Variants in LRRTM4 observed in about 807,000 individuals in gnomAD.
The protein encoded by LRRTM4 is leucine rich repeat transmembrane neuronal 4.
LRRTM4 carries 25 observed loss-of-function variants against 47.6 expected under a neutral mutation model. That is an observed-to-expected ratio of 0.53 (90% CI 0.38 to 0.73). LRRTM4 has a LOEUF of 0.73. Ranked by LOEUF, LRRTM4 falls within the 30% of genes least tolerant of loss-of-function variation. LRRTM4 has a pLI of 0.00. For synonymous variants in LRRTM4, 311 were observed against 269.5 expected (o/e 1.15, Z -1.51); for missense variants, 638 against 713.4 (o/e 0.89, Z 1.20).
At chr2:77,327,979 T>C (rs1670839867) in intron 3 of LRRTM4, among the ~76,000 whole-genome samples, 2 of 151,890 alleles carry the variant, frequency 1.3e-5, no homozygotes, top group South Asian at 4.2e-4. Context: ...ACTGAAAACA[T>C]ATAGGGAAAG....
At chr2:76,834,257 G>T (rs1671445863) in intron 3 of LRRTM4, among the ~76,000 whole-genome samples, 2 of 150,658 alleles carry the variant, frequency 1.3e-5, no homozygotes, top group Middle Eastern at 3.4e-3. Context: ...CACTATATTG[G>T]CCAGTCTGGT....
chr2:77,163,127 C>T (rs536892986), intron 3 of LRRTM4, among the ~76,000 whole-genome samples: 1 of 151,974 alleles, frequency 6.6e-6, no homozygotes, highest in Non-Finnish European at 1.5e-5. Flanking sequence ...ATAGAGAAGA[C>T]CTTAAATAAC....
intron 3 of LRRTM4, among the ~76,000 whole-genome samples, chr2:77,142,176 A>G (rs557209776): frequency 6.6e-6 from 1 of 152,320 alleles, no homozygotes; most frequent in East Asian, 1.9e-4. Flanking sequence ...CTCGGTGATC[A>G]GAAGAACATT....
chr2:76,774,743 C>A (rs1267885496), intron 3 of LRRTM4, among the ~76,000 whole-genome samples: 3 of 152,122 alleles, frequency 2.0e-5, no homozygotes, highest in African/African-American at 7.2e-5. Context: ...ATCATAATTT[C>A]TGTCTGACAT....
chr2:77,418,365 G>GA (rs1183318552), intron 3 of LRRTM4, among the ~76,000 whole-genome samples: 1 of 152,064 alleles, frequency 6.6e-6, no homozygotes, highest in Non-Finnish European at 1.5e-5. Context: ...ATTAAACTGA[G>GA]AAAAATAATA....
intron 3 of LRRTM4, among the ~76,000 whole-genome samples, chr2:76,796,939 A>G (rs1032519693): frequency 2.0e-5 from 3 of 152,052 alleles, no homozygotes; most frequent in African/African-American, 7.2e-5. Context: ...GAAATGAGCA[A>G]AGCCTCCAAG....
At chr2:77,138,721 A>G (rs910657751) in intron 3 of LRRTM4, among the ~76,000 whole-genome samples, 2 of 152,080 alleles carry the variant, frequency 1.3e-5, no homozygotes, top group Non-Finnish European at 2.9e-5. Flanking sequence ...TTGATAGACC[A>G]CTAGCAAGAC....
At chr2:77,391,342 G>T (rs1039897030) in intron 3 of LRRTM4, among the ~76,000 whole-genome samples, 6 of 151,982 alleles carry the variant, frequency 3.9e-5, no homozygotes, top group African/African-American at 1.4e-4. Flanking sequence ...GCAGTAAATG[G>T]CTGGGTGAGC....
intron 3 of LRRTM4, among the ~76,000 whole-genome samples, chr2:76,929,107 C>T (rs1674682537): frequency 6.6e-6 from 1 of 152,128 alleles, no homozygotes; most frequent in Non-Finnish European, 1.5e-5. Context: ...ATATTTTAAC[C>T]TCAAGCTCAA....
At chr2:77,409,645 T>C (rs1280331071) in intron 3 of LRRTM4, among the ~76,000 whole-genome samples, 1 of 152,200 alleles carries the variant, frequency 6.6e-6, no homozygotes, top group Non-Finnish European at 1.5e-5. Context: ...CTAAGTTTCT[T>C]TAATAAGAAA....
At chr2:77,024,625 T>C (rs1156497069) in intron 3 of LRRTM4, among the ~76,000 whole-genome samples, 2 of 152,196 alleles carry the variant, frequency 1.3e-5, no homozygotes, top group African/African-American at 2.4e-5. Context: ...TCTTCTCTTT[T>C]TGTTTTTATA....
At chr2:77,324,954 G>T (rs1670702493) in intron 3 of LRRTM4, among the ~76,000 whole-genome samples, 1 of 152,152 alleles carries the variant, frequency 6.6e-6, no homozygotes, top group Non-Finnish European at 1.5e-5. Context: ...TTAAGAATTT[G>T]AATTAATGAA....
chr2:76,942,856 A>G (rs1377973031), intron 3 of LRRTM4, among the ~76,000 whole-genome samples: 2 of 152,198 alleles, frequency 1.3e-5, no homozygotes, highest in Non-Finnish European at 2.9e-5. Flanking sequence ...GAATGTATCC[A>G]TAAAATGATA....
intron 3 of LRRTM4, among the ~76,000 whole-genome samples, chr2:76,824,964 G>A (rs1192371346): frequency 6.6e-6 from 1 of 151,530 alleles, no homozygotes; most frequent in African/African-American, 2.4e-5. Context: ...TCTTCCAATT[G>A]GGGTACTGCT....
At chr2:77,296,379 G>T (rs1035015732) in intron 3 of LRRTM4, among the ~76,000 whole-genome samples, 2 of 151,970 alleles carry the variant, frequency 1.3e-5, no homozygotes, top group African/African-American at 2.4e-5. Flanking sequence ...TAGCATCTTC[G>T]ATTTTTTTGG....
intron 3 of LRRTM4, among the ~76,000 whole-genome samples, chr2:76,787,140 G>A (rs913487478): frequency 8.6e-5 from 13 of 151,796 alleles, no homozygotes; most frequent in African/African-American, 2.9e-4. Flanking sequence ...ATGTCATAAA[G>A]GAAAGAGTAA....
At chr2:76,841,437 TA>T (rs951800753) in intron 3 of LRRTM4, among the ~76,000 whole-genome samples, 5 of 151,606 alleles carry the variant, frequency 3.3e-5, no homozygotes, top group Admixed American at 6.6e-5. Flanking sequence ...ATAATAAAAT[TA>T]AAAAAAATTA....
chr2:77,278,899 G>A (rs1011456715), intron 3 of LRRTM4, among the ~76,000 whole-genome samples: 2 of 151,876 alleles, frequency 1.3e-5, no homozygotes, highest in Admixed American at 1.3e-4. Context: ...CCTGCATAGT[G>A]TGCCCTTTGT....
chr2:77,081,230 G>A (rs906166718), intron 3 of LRRTM4, among the ~76,000 whole-genome samples: 8 of 136,404 alleles, frequency 5.9e-5, no homozygotes, highest in Non-Finnish European at 9.3e-5. Context: ...TCCCAGCACC[G>A]AAAAATACCT....
Sources: allele counts gnomAD v4.1 joint callset (sites outside exome capture counted in the v4.1 genomes callset), GRCh38; gene constraint gnomAD v4.1.1; transcripts MANE v1.5; gene names NCBI Gene and HGNC (gene_info 2026-07-23, HGNC 2026-07-21).